The following DNM3 variants were observed in gnomAD, a reference collection of about 807,000 sequenced individuals.
DNM3 encodes the protein dynamin-3.
A neutral mutation model predicts 101.6 loss-of-function variants in DNM3; 47 were observed. The ratio of observed to expected loss-of-function variants is 0.46; its 90% confidence interval spans 0.37 to 0.59. The LOEUF is 0.59. DNM3 is among the 20% of genes least tolerant of loss of function. DNM3 has a pLI of 0.00. For synonymous variants in DNM3, 385 were observed against 387.9 expected (o/e 0.99, Z 0.09); for missense variants, 849 against 1,085.7 (o/e 0.78, Z 3.06).
chr1:171,963,432 T>A (rs1395814303), intron 2 of DNM3, among the ~76,000 whole-genome samples: 3 of 152,128 alleles, frequency 2.0e-5, no homozygotes, highest in Non-Finnish European at 4.4e-5. Flanking sequence ...AAATACTCTG[T>A]ATGATACTAT....
chr1:172,146,201 T>G (rs936631910), intron 14 of DNM3, among the ~76,000 whole-genome samples: 3 of 152,196 alleles, frequency 2.0e-5, no homozygotes, highest in African/African-American at 4.8e-5. Context: ...AAAATATATC[T>G]CTTTTTTATA....
intron 15 of DNM3, among the ~76,000 whole-genome samples, chr1:172,264,290 A>G (rs1033234118): frequency 1.3e-5 from 2 of 152,240 alleles, no homozygotes; most frequent in South Asian, 2.1e-4. Context: ...TTTTGTTTCC[A>G]TAGAATTTAT....
intron 17 of DNM3, among the ~76,000 whole-genome samples, chr1:172,369,232 A>G (rs1038329150): frequency 1.3e-5 from 2 of 151,994 alleles, no homozygotes; most frequent in African/African-American, 4.8e-5. Flanking sequence ...TTGACAAGAT[A>G]CTAGCAAACT....
chr1:172,124,178 T>G (rs2056485518), intron 13 of DNM3, among the ~76,000 whole-genome samples: 1 of 152,242 alleles, frequency 6.6e-6, no homozygotes. Flanking sequence ...ATGGGAATTT[T>G]GTGAGCCCCC....
chr1:171,990,166 G>GT (rs1322471969), intron 4 of DNM3, among the ~76,000 whole-genome samples: 11 of 152,146 alleles, frequency 7.2e-5, no homozygotes, highest in African/African-American at 2.4e-4. Context: ...CTTTTTGAAG[G>GT]TTTTCTTTTG....
chr1:172,011,815 C>G (rs186391569), intron 4 of DNM3, among the ~76,000 whole-genome samples: 28 of 152,052 alleles, frequency 1.8e-4, no homozygotes, highest in African/African-American at 6.5e-4. Context: ...CTTTTTATTT[C>G]CACTTGCAAA....
At position 172,239,796 on chromosome 1, in the gene DNM3, TTC is replaced by T. The variant is rs201014247; in HGVS notation, c.1660-13773_1660-13772del. On this transcript the variant is annotated intron_variant, in intron 14 of 20. Coordinates refer to ENST00000627582, the MANE Select transcript of DNM3 (RefSeq NM_015569.5). ...CTTTTCTCCAGCCCTGTCTTTTTTT[TTC>T]TCTTTTTTTTTTTTTTTTTTTTGTA... is the stretch of plus-strand genomic sequence containing the variant. Among the ~76,000 whole-genome samples, 313 of 56,128 alleles carry T rather than the reference TTC, an allele frequency of 5.6e-3. 11 individuals carry two copies. The highest frequency in any genetic ancestry group is 0.019 in the African/African-American group (295 of 15,854). 36.8% of individuals were successfully genotyped at this position (56,128 alleles called of 152,430 possible).
At chr1:171,924,812 A>T (rs911441708) in intron 2 of DNM3, among the ~76,000 whole-genome samples, 2 of 152,184 alleles carry the variant, frequency 1.3e-5, no homozygotes, top group Non-Finnish European at 2.9e-5. Flanking sequence ...TCTGATGATT[A>T]ATGATGTTGA....
intron 4 of DNM3, among the ~76,000 whole-genome samples, 155 bp downstream of exon 4, chr1:171,989,303 G>T (rs2045482784): frequency 6.6e-6 from 1 of 151,782 alleles, no homozygotes; most frequent in East Asian, 1.9e-4. Context: ...AGAAAATTCA[G>T]TATTTAATAT....
At chr1:171,870,999 AG>A (rs1350014987) in intron 1 of DNM3, among the ~76,000 whole-genome samples, 1 of 152,222 alleles carries the variant, frequency 6.6e-6, no homozygotes, top group African/African-American at 2.4e-5. Flanking sequence ...TTCAGGGAAT[AG>A]CTTGGGCAGA....
chr1:171,891,344 T>G (rs2037260836), intron 1 of DNM3, among the ~76,000 whole-genome samples: 1 of 132,726 alleles, frequency 7.5e-6, no homozygotes, highest in African/African-American at 3.1e-5. Flanking sequence ...CATGGGCAAG[T>G]GCTAAAAAAA....
Position 172,033,145 on chromosome 1 carries a change from T to G in DNM3, c.729T>G (p.Asp243Glu), listed in dbSNP as rs772245944. 1 of 1,612,554 alleles carries G rather than the reference T, an allele frequency of 6.2e-7. No individual in the cohort carries two copies. Among genetic ancestry groups the G allele is most frequent in the Non-Finnish European group, 8.5e-7 (1 of 1,179,338 alleles). ...TAAACAGAAGCCAGAAGGACATAGA[T>G]GGGAAGAAGGACATAAAGGCAGCCA... The part of the protein sequence containing the change: ...GVVNRSQKDI[D>E]GKKDIKAAML... The change falls in exon 6 of 21, where the codon GAT (aspartate) becomes GAG (glutamate). Residue 243 changes from aspartate to glutamate, a missense_variant. Physicochemically the swap from Asp to Glu is conservative, Grantham distance 45. This residue lies in a region of DNM3 where 388 missense variants were observed against 483.0 expected (regional missense o/e 0.80). Coordinates refer to ENST00000627582, the MANE Select transcript of DNM3 (RefSeq NM_015569.5).
chr1:171,866,557 C>T (rs1041644130), intron 1 of DNM3, among the ~76,000 whole-genome samples: 1 of 152,058 alleles, frequency 6.6e-6, no homozygotes, highest in South Asian at 2.1e-4. Flanking sequence ...GGATAATTAT[C>T]CTTTCCCTCA....
At chr1:172,245,206 A>G (rs1192138651) in intron 14 of DNM3, among the ~76,000 whole-genome samples, 3 of 152,212 alleles carry the variant, frequency 2.0e-5, no homozygotes, top group African/African-American at 7.2e-5. Flanking sequence ...ACTACAGAGT[A>G]ACAGGGGAGC....
At chr1:172,057,751 T>C (rs920418054) in intron 10 of DNM3, among the ~76,000 whole-genome samples, 25 of 151,724 alleles carry the variant, frequency 1.6e-4, no homozygotes, top group Admixed American at 6.6e-4. Context: ...TGCCAAAATG[T>C]AAAGACCATC....
rs545510174 is a variant in DNM3, at chr1:171,968,043, C to T, written c.236-19613C>T. Among the ~76,000 whole-genome samples, 31 of 152,268 alleles carry T rather than the reference C, an allele frequency of 2.0e-4. 1 individual carries two copies. Among genetic ancestry groups the T allele is most frequent in the African/African-American group, 6.3e-4 (26 of 41,568 alleles). ...TCAGTGGGCACAGAGGAAGCCTTCC[C>T]TCTGCCACTACAACTTAATCTCTTT... On this transcript the variant is annotated intron_variant, in intron 2 of 20. Transcript: ENST00000627582.
At position 172,388,695 on chromosome 1, in the gene DNM3, C is replaced by T; in HGVS notation, c.2408C>T (p.Pro803Leu). Reference protein sequence around the residue: ...IPSPGPHSGAPPVPFRPGPLP... With the variant: ...IPSPGPHSGALPVPFRPGPLP... ...TCTCCTGGCCCCCACTCTGGGGCTC[C>T]TCCAGTCCCATTCCGTCCAGGCCCA... Residue 803 changes from proline to leucine, a missense_variant, in exon 20 of 21, where the codon CCT becomes CTT. This residue lies in a region of DNM3 where 256 missense variants were observed against 311.7 expected (regional missense o/e 0.82). Coordinates refer to ENST00000627582, the MANE Select transcript of DNM3 (RefSeq NM_015569.5). 1 of 1,613,932 alleles carries T rather than the reference C, an allele frequency of 6.2e-7. No individual in the cohort carries two copies. Among genetic ancestry groups the T allele is most frequent in the Non-Finnish European group, 8.5e-7 (1 of 1,179,864 alleles).
chr1:171,958,318 G>A (rs576884412), intron 2 of DNM3, among the ~76,000 whole-genome samples: 1 of 152,168 alleles, frequency 6.6e-6, no homozygotes, highest in African/African-American at 2.4e-5. Flanking sequence ...ATTTGGGTGG[G>A]GATGCAGCCA....
At chr1:171,933,437 A>G (rs1243154880) in intron 2 of DNM3, among the ~76,000 whole-genome samples, 1 of 152,236 alleles carries the variant, frequency 6.6e-6, no homozygotes, top group Non-Finnish European at 1.5e-5. Flanking sequence ...TGGGGCTTAC[A>G]TTCTAGGTGG....
Sources: gnomAD v4.1 joint callset for allele counts (sites outside exome capture counted in the v4.1 genomes callset) on GRCh38, gnomAD v4.1.1 for gene constraint, gnomAD v4.1.1 regional missense constraint, MANE v1.5 for transcripts, NCBI Gene and HGNC (gene_info 2026-07-23, HGNC 2026-07-21) for gene names.